Variants in PPIG observed in about 807,000 individuals in gnomAD.
PPIG encodes peptidyl-prolyl cis-trans isomerase G.
A neutral mutation model predicts 87.9 loss-of-function variants in PPIG; 26 were observed. The observed-to-expected ratio is 0.30, with a 90% CI of 0.22 to 0.41. The LOEUF (loss-of-function observed/expected upper bound fraction) is 0.41. PPIG is among the 10% of genes least tolerant of loss of function. The probability of loss-of-function intolerance (pLI) is 1.00; values close to 1 mark genes in which losing one functional copy is unlikely to be tolerated. For synonymous variants in PPIG, 308 were observed against 276.5 expected (o/e 1.11, Z -1.13); for missense variants, 722 against 879.4 (o/e 0.82, Z 2.26).
Position 169,640,246 on chromosome 2 carries a change from A to T in PPIG, c.*2723A>T, listed in dbSNP as rs1686278165. The T allele has an allele frequency of 6.6e-6, 1 of 152,224 alleles. No individual in the cohort carries two copies. The highest frequency in any genetic ancestry group is 2.4e-5 in the African/African-American group (1 of 41,452). The allele number at this position is 152,224 out of a possible 1,614,324, so 9.4% of individuals were successfully genotyped here. ...ATTTATCTGATAAATCTGCCTTTGC[A>T]CAAATGTGATACTGATGCATGGACG... On this transcript the variant is annotated 3_prime_UTR_variant, in exon 14 of 14. Transcript: ENST00000260970.
Position 169,625,684 on chromosome 2 carries a change from T to G in PPIG, c.548-5090T>G, listed in dbSNP as rs191340682. On this transcript the variant is annotated intron_variant, in intron 9 of 13. Transcript: ENST00000260970. The stretch of plus-strand genomic sequence containing the variant: ...ATTCTTCCTTTCTGAAGTTCAAGCC[T>G]CCTCCTGCTATTTCCTTTCTCTTTG... Among the ~76,000 whole-genome samples the G allele has an allele frequency of 3.1e-4, 47 of 152,282 alleles. No individual in the cohort carries two copies. In the East Asian group the frequency reaches 6.0e-3, roughly 19 times the overall value.
chr2:169,599,935 T>C (rs1314023630), intron 1 of PPIG, among the ~76,000 whole-genome samples: 1 of 152,192 alleles, frequency 6.6e-6, no homozygotes, highest in East Asian at 1.9e-4. Flanking sequence ...TTTTCATAAG[T>C]TCAAATCTGT....
chr2:169,585,057 C>T (rs2105465007), intron 1 of PPIG, among the ~76,000 whole-genome samples: 1 of 152,196 alleles, frequency 6.6e-6, no homozygotes, highest in Non-Finnish European at 1.5e-5. Context: ...CAGTGGCTGT[C>T]GTGCAGTTAA....
Position 169,636,584 on chromosome 2 carries a change from A to G in PPIG, c.1326A>G (p.Ser442=). The change falls in exon 14 of 14, where the codon TCA becomes TCG. Residue 442 remains serine (S), a synonymous_variant. Coordinates refer to ENST00000260970, the MANE Select transcript of PPIG (RefSeq NM_004792.3). ...NSKERDIRRN[S]EKDDKYKNKV... ...AAGAGAGAGACATCAGAAGAAATTC[A>G]GAAAAAGATGACAAGTATAAAAACA... 1 of 1,597,954 alleles carries G rather than the reference A, an allele frequency of 6.3e-7. No individual in the cohort carries two copies. Among genetic ancestry groups the G allele is most frequent in the Non-Finnish European group, 8.5e-7 (1 of 1,176,052 alleles).
At chr2:169,602,103 T>C (rs548039899) in intron 1 of PPIG, among the ~76,000 whole-genome samples, 1 of 152,296 alleles carries the variant, frequency 6.6e-6, no homozygotes, top group East Asian at 1.9e-4. Context: ...TTAAGTTGTA[T>C]AAAATTACAC....
In PPIG at chr2:169,613,289, A is replaced by C. The variant is rs577932290; in HGVS notation, c.378-1175A>C. Reference sequence around the variant, plus strand: ...ATGAGGAAACAATAGCAGGTCATTAATTTTATAATTAGGTAAACCTAAAAA... The same window carrying C: ...ATGAGGAAACAATAGCAGGTCATTACTTTTATAATTAGGTAAACCTAAAAA... On this transcript the variant is annotated intron_variant, in intron 7 of 13. Coordinates refer to ENST00000260970, the MANE Select transcript of PPIG (RefSeq NM_004792.3). Among the ~76,000 whole-genome samples, 42 of 152,306 alleles carry C rather than the reference A, an allele frequency of 2.8e-4. 2 individuals carry two copies. In the South Asian group the frequency reaches 5.4e-3, roughly 20 times the overall value.
intron 1 of PPIG, among the ~76,000 whole-genome samples, chr2:169,585,117 T>G (rs992382762): frequency 3.3e-5 from 5 of 152,180 alleles, no homozygotes; most frequent in African/African-American, 1.2e-4. Context: ...AAGTCCAGGG[T>G]CTTGAGCTCT....
intron 9 of PPIG, among the ~76,000 whole-genome samples, chr2:169,622,029 G>T (rs1685771164): frequency 1.3e-5 from 2 of 152,020 alleles, no homozygotes; most frequent in African/African-American, 4.8e-5. Context: ...GAAGGCTATA[G>T]CCTGGGTGAC....
chr2:169,641,256 T>C lies in PPIG; in HGVS notation c.*3733T>C, dbSNP rs1349207226. On this transcript the variant is annotated 3_prime_UTR_variant, in exon 14 of 14. Transcript: ENST00000260970. The stretch of plus-strand genomic sequence containing the variant: ...GAAAAAAAGCTGTTGTCTTCTCAAT[T>C]GTAAAATTAGTTTCAAAATGCTGCT... 1 of 152,198 alleles carries C rather than the reference T, an allele frequency of 6.6e-6. No homozygotes were observed. The highest frequency in any genetic ancestry group is 2.4e-5 in the African/African-American group (1 of 41,450). The allele number at this position is 152,198 out of a possible 1,614,324, so 9.4% of individuals were successfully genotyped here. A position where few individuals can be genotyped will look rare whatever the true frequency, so the allele number is the denominator to read the frequency against.
Position 169,637,210 on chromosome 2 carries a change from G to A in PPIG, c.1952G>A (p.Ser651Asn), listed in dbSNP as rs1686204698. The A allele has an allele frequency of 6.2e-7, 1 of 1,613,174 alleles. No homozygotes were observed. The highest frequency in any genetic ancestry group is 1.7e-5 in the Admixed American group (1 of 59,894). The change falls in exon 14 of 14, where the codon AGC becomes AAC. Residue 651 changes from serine to asparagine, a missense_variant. Physicochemically the swap from Ser to Asn is conservative, Grantham distance 46. This residue lies in a region of PPIG where 476 missense variants were observed against 483.1 expected (regional missense o/e 0.99). Transcript: ENST00000260970. Reference protein sequence around the residue: ...KDKYRNQESKSSHRKENSESE... With the variant: ...KDKYRNQESKNSHRKENSESE... ...AAATACAGAAACCAAGAGAGTAAGA[G>A]CTCACACAGAAAAGAAAATTCTGAG...
chr2:169,598,386 G>A (rs1168673995), intron 1 of PPIG, among the ~76,000 whole-genome samples: 1 of 152,006 alleles, frequency 6.6e-6, no homozygotes, highest in Non-Finnish European at 1.5e-5. Flanking sequence ...TGCCTCCCGG[G>A]TTCACACCTT....
In PPIG at chr2:169,632,075, T is replaced by G. The variant is rs1046842345; in HGVS notation, c.929+142T>G. ...TTTATAAAATGTTCTTCCGCAAAGT[T>G]CTTTTTTGCCAACCACATAACTAGA... On this transcript the variant is annotated intron_variant, in intron 11 of 13. Coordinates refer to ENST00000260970, the MANE Select transcript of PPIG (RefSeq NM_004792.3). 6 of 1,166,922 alleles carry G rather than the reference T, an allele frequency of 5.1e-6. No individual in the cohort carries two copies. The African/African-American group carries it at 7.9e-5, about 15-fold the overall frequency. The allele number at this position is 1,166,922 out of a possible 1,614,324, so 72.3% of individuals were successfully genotyped here.
intron 9 of PPIG, among the ~76,000 whole-genome samples, chr2:169,627,239 C>T (rs12986448): frequency 0.24 from 36,793 of 151,592 alleles, 4,680 homozygotes; most frequent in Non-Finnish European, 0.27. Context: ...GCTGGGATTA[C>T]GCGTGTGCAC....
Position 169,636,078 on chromosome 2 carries a change from T to C in PPIG, c.1018-14T>C. On this transcript the variant is annotated splice_polypyrimidine_tract_variant and intron_variant, in intron 12 of 13. Coordinates refer to ENST00000260970, the MANE Select transcript of PPIG (RefSeq NM_004792.3). ...TTCTATACATTAATTTTTCCCTATTTTAATTTTCTTTAGCGTTATCGAACT... is the reference window on the plus strand; with the variant it reads ...TTCTATACATTAATTTTTCCCTATTCTAATTTTCTTTAGCGTTATCGAACT... 6.3e-7 allele frequency: 1 copy of C among 1,580,190 alleles called. No individual in the cohort carries two copies. The highest frequency in any genetic ancestry group is 8.6e-7 in the Non-Finnish European group (1 of 1,163,782).
Position 169,637,263 on chromosome 2 carries a change from C to A in PPIG, c.2005C>A (p.Arg669Ser), listed in dbSNP as rs757114325. 2.5e-6 allele frequency: 4 copies of A among 1,612,528 alleles called. No homozygotes were observed. Among genetic ancestry groups the A allele is most frequent in the South Asian group, 1.1e-5 (1 of 90,800 alleles). The change falls in exon 14 of 14, where the codon CGT becomes AGT. Residue 669 changes from arginine to serine, a missense_variant. Transcript: ENST00000260970. ...ESEKRMYSKS[R>S]DHNSSNNSRE... ...TGAGAAAAGAATGTACTCTAAAAGTCGTGATCATAATAGCTCAAATAACAG... is the reference window on the plus strand; with the variant it reads ...TGAGAAAAGAATGTACTCTAAAAGTAGTGATCATAATAGCTCAAATAACAG...
chr2:169,608,661 T>C lies in PPIG; in HGVS notation c.290-10T>C, dbSNP rs1685401930. 1.3e-6 allele frequency: 2 copies of C among 1,592,468 alleles called. No homozygotes were observed. Among genetic ancestry groups the C allele is most frequent in the Non-Finnish European group, 8.6e-7 (1 of 1,161,256 alleles). On this transcript the variant is annotated splice_polypyrimidine_tract_variant and intron_variant, in intron 6 of 13. Transcript: ENST00000260970. ...TCTATAATGTAACTGAAAACTTTAC[T>C]TCTCTATAGACGAGAGTTTCGCTGT...
At position 169,636,398 on chromosome 2, in the gene PPIG, T is replaced by C. The variant is rs754053107; in HGVS notation, c.1155-15T>C. 6.6e-7 allele frequency: 1 copy of C among 1,504,574 alleles called. No homozygotes were observed. 93.2% of individuals were successfully genotyped at this position (1,504,574 alleles called of 1,614,324 possible). Reference sequence around the variant, plus strand: ...TCCTAATAACATTTCCCCAATTCTTTTTCTTATTTTTTAGGAGTGAGTTGA... The same window carrying C: ...TCCTAATAACATTTCCCCAATTCTTCTTCTTATTTTTTAGGAGTGAGTTGA... On this transcript the variant is annotated splice_polypyrimidine_tract_variant and intron_variant, in intron 13 of 13. Transcript: ENST00000260970.
intron 2 of PPIG, 135 bp downstream of exon 2, chr2:169,603,829 C>G (rs1445440509): frequency 1.7e-6 from 1 of 571,900 alleles, no homozygotes; most frequent in East Asian, 2.9e-5. Context: ...CAAGTCTTTT[C>G]TAATTGCTTC....
intron 9 of PPIG, among the ~76,000 whole-genome samples, chr2:169,619,515 G>T (rs181267860): frequency 2.6e-5 from 4 of 152,270 alleles, no homozygotes; most frequent in African/African-American, 9.6e-5. Context: ...AAGTCTCTTT[G>T]TAGGTCTCTA....
Sources: allele counts gnomAD v4.1 joint callset (sites outside exome capture counted in the v4.1 genomes callset), GRCh38; gene constraint gnomAD v4.1.1; regional missense constraint gnomAD v4.1.1; transcripts MANE v1.5; gene names NCBI Gene and HGNC (gene_info 2026-07-23, HGNC 2026-07-21).